TSPEAR: variants seen among roughly 807,000 people sequenced by gnomAD.
The protein encoded by TSPEAR is thrombospondin-type laminin G domain and EAR repeat-containing protein.
Under a neutral mutation model 71.6 loss-of-function variants are expected in TSPEAR, and 69 were observed. That is an observed-to-expected ratio of 0.96 (90% CI 0.79 to 1.18). The LOEUF (loss-of-function observed/expected upper bound fraction) is 1.18, where lower values mean the gene tolerates loss of function less well. Among genes scored for constraint, TSPEAR ranks in the 50% most tolerant of loss-of-function variants. The pLI is 0.00. For synonymous variants in TSPEAR, 402 were observed against 387.2 expected (o/e 1.04, Z -0.45); for missense variants, 971 against 894.9 (o/e 1.09, Z -1.09).
intron 1 of TSPEAR, among the ~76,000 whole-genome samples, chr21:44,569,113 C>T (rs951001102): frequency 1.3e-5 from 2 of 152,180 alleles, no homozygotes; most frequent in Non-Finnish European, 2.9e-5. Context: ...TTCCTTGCAC[C>T]GCCACGTGCA....
At chr21:44,588,820 A>G (rs1020848143) in intron 1 of TSPEAR, among the ~76,000 whole-genome samples, 2 of 151,328 alleles carry the variant, frequency 1.3e-5, no homozygotes, top group Non-Finnish European at 2.9e-5. Context: ...CTACTCAGTA[A>G]TAAAAAGAAA....
At chr21:44,512,510 G>A (rs953529689) in intron 9 of TSPEAR, among the ~76,000 whole-genome samples, 2 of 152,158 alleles carry the variant, frequency 1.3e-5, no homozygotes, top group Non-Finnish European at 2.9e-5. Flanking sequence ...TGGCACACGG[G>A]CTGCTGTGTG....
At chr21:44,620,934 T>C (rs1982393459) in intron 1 of TSPEAR, among the ~76,000 whole-genome samples, 1 of 152,256 alleles carries the variant, frequency 6.6e-6, no homozygotes, top group African/African-American at 2.4e-5. Flanking sequence ...TGTTTGAAAG[T>C]GTGCTATTAG....
chr21:44,685,787 G>A (rs1555948853), intron 1 of TSPEAR, among the ~76,000 whole-genome samples: 1 of 152,212 alleles, frequency 6.6e-6, no homozygotes, highest in African/African-American at 2.4e-5. Context: ...GTGAAACTAA[G>A]CAGTCCAGAT....
chr21:44,530,618 A>G (rs1205075742), intron 4 of TSPEAR, among the ~76,000 whole-genome samples: 1 of 152,260 alleles, frequency 6.6e-6, no homozygotes, highest in East Asian at 1.9e-4. Context: ...TGTGCCAGGC[A>G]TGGCTCTAGA....
intron 1 of TSPEAR, among the ~76,000 whole-genome samples, chr21:44,581,520 T>A (rs1163148457): frequency 1.3e-5 from 2 of 152,202 alleles, no homozygotes; most frequent in African/African-American, 4.8e-5. Context: ...CATTTGTCAT[T>A]TTTTATAGTT....
intron 9 of TSPEAR, among the ~76,000 whole-genome samples, 171 bp downstream of exon 9, chr21:44,521,712 C>A (rs1184840738): frequency 6.6e-6 from 1 of 152,190 alleles, no homozygotes; most frequent in Non-Finnish European, 1.5e-5. Context: ...AGGCAAGGAT[C>A]CTGTGCCGTC....
chr21:44,619,168 C>A (rs1601493020), intron 1 of TSPEAR, among the ~76,000 whole-genome samples: 1 of 152,182 alleles, frequency 6.6e-6, no homozygotes, highest in African/African-American at 2.4e-5. Flanking sequence ...AGGCGTGGAC[C>A]AACATACAGA....
chr21:44,653,921 A>ATCCTGGGGAAGGTACC (rs1984961909), intron 1 of TSPEAR, among the ~76,000 whole-genome samples: 1 of 152,198 alleles, frequency 6.6e-6, no homozygotes, highest in Non-Finnish European at 1.5e-5. Context: ...GCTTTCCAGA[A>ATCCTGGGGAAGGTACC]TCCTGGGGAA....
At chr21:44,646,291 C>G in intron 1 of TSPEAR, 1 of 954,776 alleles carries the variant, frequency 1.0e-6, no homozygotes, top group Non-Finnish European at 1.5e-6. Flanking sequence ...CAGCCACCAG[C>G]TGTAAACACC....
intron 9 of TSPEAR, chr21:44,517,793 G>C (rs949967419): frequency 2.1e-6 from 1 of 471,208 alleles, no homozygotes; most frequent in South Asian, 1.5e-5. Flanking sequence ...CAGGGCTGCC[G>C]ATGGGAAATC....
At chr21:44,502,874 G>A (rs2052063934) in intron 11 of TSPEAR, among the ~76,000 whole-genome samples, 1 of 151,374 alleles carries the variant, frequency 6.6e-6, no homozygotes. Context: ...GGCTCTGGGA[G>A]GAGGCCGGCC....
Position 44,498,868 on chromosome 21 carries a change from G to A in TSPEAR, c.*915C>T. On this transcript the variant is annotated 3_prime_UTR_variant, in exon 12 of 12. Coordinates refer to ENST00000323084, the MANE Select transcript of TSPEAR (RefSeq NM_144991.3). ...TGGGTTAAGAGGGAGGACCCCTGGG[G>A]CCTTGCGCCCATCACCCCCTCTCAT... is the stretch of plus-strand genomic sequence containing the variant. The A allele has an allele frequency of 6.6e-6, 1 of 152,440 alleles. No homozygotes were observed. Among genetic ancestry groups the A allele is most frequent in the Non-Finnish European group, 1.5e-5 (1 of 68,098 alleles). 9.4% of individuals were successfully genotyped at this position (152,440 alleles called of 1,614,324 possible).
At chr21:44,702,172 C>A in intron 1 of TSPEAR, 1 of 1,454,576 alleles carries the variant, frequency 6.9e-7, no homozygotes, top group South Asian at 1.2e-5. Flanking sequence ...GCAGAGACCA[C>A]CATCCACCCC....
In TSPEAR at chr21:44,612,120, C is replaced by T. The variant is rs782281168; in HGVS notation, c.83-44115G>A. On this transcript the variant is annotated intron_variant, in intron 1 of 11. Transcript: ENST00000323084. This position sits in a 1 kb window ranked among gnomAD's most constrained non-coding sequence, Gnocchi z 4.1. ...CCCACCATGGCTGACGCCTGCTGCA[C>T]CAGGACGTATGTGATTGCTGCATCC... 4 of 1,613,934 alleles carry T rather than the reference C, an allele frequency of 2.5e-6. No homozygotes were observed. Among genetic ancestry groups the T allele is most frequent in the Non-Finnish European group, 3.4e-6 (4 of 1,179,912 alleles).
At chr21:44,622,629 G>A (rs1338606250) in intron 1 of TSPEAR, among the ~76,000 whole-genome samples, 2 of 152,134 alleles carry the variant, frequency 1.3e-5, no homozygotes, top group Non-Finnish European at 2.9e-5. Context: ...GCTGTCATAC[G>A]CCGTCTTCCC....
intron 2 of TSPEAR, among the ~76,000 whole-genome samples, chr21:44,552,616 G>C (rs1280904639): frequency 2.6e-5 from 4 of 152,180 alleles, no homozygotes; most frequent in African/African-American, 9.7e-5. Context: ...CCGAGAAATA[G>C]AAATGAGACG....
intron 1 of TSPEAR, among the ~76,000 whole-genome samples, chr21:44,596,111 A>G (rs587605243): frequency 4.2e-4 from 64 of 152,330 alleles, no homozygotes; most frequent in African/African-American, 1.5e-3. Flanking sequence ...TTCCAAGCTC[A>G]TGTGATTGTT....
chr21:44,548,844 G>A (rs1398520821), intron 2 of TSPEAR, among the ~76,000 whole-genome samples: 2 of 152,214 alleles, frequency 1.3e-5, no homozygotes, highest in Non-Finnish European at 2.9e-5. Flanking sequence ...CTCTGCACCA[G>A]CAATGCCACT....
Sources: allele counts gnomAD v4.1 joint callset (sites outside exome capture counted in the v4.1 genomes callset), GRCh38; gene constraint gnomAD v4.1.1; non-coding constraint Gnocchi (gnomAD v3.1); transcripts MANE v1.5; gene names NCBI Gene and HGNC (gene_info 2026-07-23, HGNC 2026-07-21).